The following BTNL3 variants were observed in gnomAD, a reference collection of about 807,000 sequenced individuals.
The protein encoded by BTNL3 is butyrophilin like 3.
BTNL3 carries 20 observed loss-of-function variants against 40.1 expected under a neutral mutation model. The ratio of observed to expected loss-of-function variants is 0.50; its 90% CI spans 0.35 to 0.72. The LOEUF (loss-of-function observed/expected upper bound fraction) is 0.72, where lower values mean the gene tolerates loss of function less well. Ranked by LOEUF, BTNL3 falls within the 30% of genes least tolerant of loss-of-function variation. The pLI, the probability that BTNL3 is intolerant of heterozygous loss-of-function variation, is 0.01. For synonymous variants in BTNL3, 179 were observed against 222.1 expected (o/e 0.81, Z 1.73); for missense variants, 449 against 582.2 (o/e 0.77, Z 2.35).
At position 180,993,286 on chromosome 5, in the gene BTNL3, G is replaced by C. The variant is rs746752962; in HGVS notation, c.397+126G>C. The C allele has an allele frequency of 3.1e-6, 4 of 1,276,514 alleles. 1 individual carries two copies. In the Admixed American group the frequency reaches 1.2e-4, roughly 38 times the overall value. The allele number at this position is 1,276,514 out of a possible 1,614,324, so 79.1% of individuals were successfully genotyped here. ...TTCTGACATGATGTAAAAAGGCTTC[G>C]GTGGGGATCACTGACCTGAGGTTTC... On this transcript the variant is annotated intron_variant, in intron 2 of 7. Coordinates refer to ENST00000342868, the MANE Select transcript of BTNL3 (RefSeq NM_197975.3).
Position 180,990,848 on chromosome 5 carries a change from C to T in BTNL3, c.49+1771C>T, listed in dbSNP as rs969165538. Reference sequence around the variant, plus strand: ...GGGTGCGCTAATGAGCAGGTTGCTGCGGTGGCAACTGGGACCCAGTCCCAC... The same window carrying T: ...GGGTGCGCTAATGAGCAGGTTGCTGTGGTGGCAACTGGGACCCAGTCCCAC... On this transcript the variant is annotated intron_variant, in intron 1 of 7. Coordinates refer to ENST00000342868, the MANE Select transcript of BTNL3 (RefSeq NM_197975.3). 8.0e-5 allele frequency among the ~76,000 whole-genome samples: 11 copies of T among 137,106 alleles called. 4 individuals carry two copies. The highest frequency in any genetic ancestry group is 1.5e-4 in the Admixed American group (2 of 13,084). 89.9% of individuals were successfully genotyped at this position (137,106 alleles called of 152,430 possible).
Position 181,005,411 on chromosome 5 carries a change from G to A in BTNL3, c.940G>A (p.Ala314Thr). ...SDLKTVTHRKAPQEVPHSEKR... is the reference protein window; with the variant it reads ...SDLKTVTHRKTPQEVPHSEKR... ...TCTGAAAACTGTAACCCATAGAAAAGCTCCCCAGGAGGTGCCTCACTCTGA... is the reference window on the plus strand; with the variant it reads ...TCTGAAAACTGTAACCCATAGAAAAACTCCCCAGGAGGTGCCTCACTCTGA... The change falls in exon 8 of 8, where the codon GCT becomes ACT. Residue 314 changes from alanine (A) to threonine (T), a missense_variant. By Grantham distance (58) the Ala-to-Thr change is moderately conservative. This residue lies in a region of BTNL3 where 323 missense variants were observed against 464.9 expected (regional missense o/e 0.69). Coordinates refer to ENST00000342868, the MANE Select transcript of BTNL3 (RefSeq NM_197975.3). 2 of 1,613,994 alleles carry A rather than the reference G, an allele frequency of 1.2e-6. No homozygotes were observed. Among genetic ancestry groups the A allele is most frequent in the Non-Finnish European group, 1.7e-6 (2 of 1,179,988 alleles).
Position 181,005,361 on chromosome 5 carries a change from C to T in BTNL3, c.890C>T (p.Ala297Val), listed in dbSNP as rs1582091288. Residue 297 changes from alanine (A) to valine (V), a missense_variant, in exon 8 of 8, where the codon GCT (alanine) becomes GTT (valine). Ala to Val is a moderately conservative substitution (Grantham distance 64). Transcript: ENST00000342868. ...AVEVTLDPET[A>V]HPKLCVSDLK... ...GAGGTGACTCTGGATCCAGAGACGG[C>T]TCACCCGAAGCTCTGCGTTTCTGAT... 6.2e-7 allele frequency: 1 copy of T among 1,612,308 alleles called. No homozygotes were observed. The highest frequency in any genetic ancestry group is 8.5e-7 in the Non-Finnish European group (1 of 1,179,534).
At chr5:181,001,500 T>TAGGG (rs566492732) in intron 3 of BTNL3, among the ~76,000 whole-genome samples, 1 of 116,328 alleles carries the variant, frequency 8.6e-6, no homozygotes, top group African/African-American at 3.0e-5. Flanking sequence ...TTTTTATAGA[T>TAGGG]GGGGGGGGGT....
In BTNL3 at chr5:181,005,560, CAG is replaced by C. The variant is rs1760210198; in HGVS notation, c.1090_1091del (p.Arg364GlyfsTer50). 3 of 1,613,954 alleles carry C rather than the reference CAG, an allele frequency of 1.9e-6. No homozygotes were observed. Among genetic ancestry groups the C allele is most frequent in the African/African-American group, 1.3e-5 (1 of 74,964 alleles). ...YVGVCRDDVD[R>X]GKNNVTLSPN... is the part of the protein sequence containing the mutation. ...TGGGAGTGTGTCGGGATGACGTAGA[CAG>C]GGGGAAGAACAATGTGACTTTGTCT... On this transcript the variant is annotated frameshift_variant, in exon 8 of 8. Transcript: ENST00000342868. LOFTEE classifies it low-confidence loss of function (END_TRUNC).
In BTNL3 at chr5:180,997,532, G is replaced by A. The variant is rs990544695; in HGVS notation, c.673+44G>A. On this transcript the variant is annotated intron_variant, in intron 3 of 7. Transcript: ENST00000342868. ...GAGCAAGGAATGGGTGTGTGCATACGTAACCCAGGGTAGAGCAGCAGCTTG... is the reference window on the plus strand; with the variant it reads ...GAGCAAGGAATGGGTGTGTGCATACATAACCCAGGGTAGAGCAGCAGCTTG... 16 of 1,458,416 alleles carry A rather than the reference G, an allele frequency of 1.1e-5. 2 individuals carry two copies. Among genetic ancestry groups the A allele is most frequent in the South Asian group, 3.4e-5 (3 of 88,546 alleles). 90.3% of individuals were successfully genotyped at this position (1,458,416 alleles called of 1,614,324 possible).
intron 1 of BTNL3, among the ~76,000 whole-genome samples, chr5:180,992,018 C>G (rs1430052966): frequency 7.3e-6 from 1 of 137,792 alleles, no homozygotes; most frequent in South Asian, 2.1e-4. Flanking sequence ...ATGCAGCCCA[C>G]AGGCTGTGGC....
Position 180,992,924 on chromosome 5 carries a change from G to A in BTNL3, c.161G>A (p.Arg54Gln), listed in dbSNP as rs377047279. 7.9e-5 allele frequency: 115 copies of A among 1,463,006 alleles called. 27 individuals are homozygous for A. The highest frequency in any genetic ancestry group is 3.5e-4 in the Middle Eastern group (2 of 5,728). 90.6% of individuals were successfully genotyped at this position (1,463,006 alleles called of 1,614,324 possible). A position where few individuals can be genotyped will look rare whatever the true frequency, so the allele number is the denominator to read the frequency against. The change falls in exon 2 of 8, where the codon CGG becomes CAG. Residue 54 changes from arginine to glutamine, a missense_variant. This residue lies in a region of BTNL3 where 323 missense variants were observed against 464.9 expected (regional missense o/e 0.69). Transcript: ENST00000342868. ...ACCAGTGCAGAGGCTATGGAAGTGC[G>A]GTTCTTCAGGAATCAGTTCCATGCT... ...PETSAEAMEVRFFRNQFHAVV... is the reference protein window; with the variant it reads ...PETSAEAMEVQFFRNQFHAVV...
chr5:181,003,906 A>G (rs1183810527), intron 5 of BTNL3, 30 bp downstream of exon 5: 12 of 1,613,910 alleles, frequency 7.4e-6, no homozygotes, highest in Middle Eastern at 1.7e-4. Flanking sequence ...CCTCCCACAC[A>G]TGGTTCTCCC....
At chr5:181,001,674 T>A (rs1271978465) in intron 3 of BTNL3, among the ~76,000 whole-genome samples, 1 of 132,482 alleles carries the variant, frequency 7.5e-6, no homozygotes, top group Non-Finnish European at 1.7e-5. Context: ...TGAAACCCCA[T>A]CTCTACTAAA....
rs1400923667 is a variant in BTNL3, at chr5:181,002,481, T to TATATATAC, written c.674-184_674-183insCATATATA. Reference sequence around the variant, plus strand: ...ACACACACACACGTGAATATATATATATATATATATATATATATATATATG... The same window carrying TATATATAC: ...ACACACACACACGTGAATATATATATATATATACATATATATATATATATATATATATG... On this transcript the variant is annotated intron_variant, in intron 3 of 7. Coordinates refer to ENST00000342868, the MANE Select transcript of BTNL3 (RefSeq NM_197975.3). 1.4e-4 allele frequency among the ~76,000 whole-genome samples: 6 copies of TATATATAC among 44,154 alleles called. 1 individual carries two copies. Among genetic ancestry groups the TATATATAC allele is most frequent in the African/African-American group, 8.3e-4 (5 of 6,012 alleles). 29.0% of individuals were successfully genotyped at this position (44,154 alleles called of 152,430 possible).
intron 1 of BTNL3, among the ~76,000 whole-genome samples, chr5:180,989,987 C>A (rs1759947267): frequency 7.4e-6 from 1 of 135,476 alleles, no homozygotes; most frequent in African/African-American, 2.5e-5. Context: ...TGGTGAAACC[C>A]CATCTCTACT....
chr5:180,990,610 G>A (rs1018267197), intron 1 of BTNL3, among the ~76,000 whole-genome samples: 3 of 137,644 alleles, frequency 2.2e-5, no homozygotes, highest in Non-Finnish European at 5.0e-5. Flanking sequence ...AAGGCTGGCC[G>A]GAGAAACAGA....
Position 180,990,789 on chromosome 5 carries a change from C to T in BTNL3, c.49+1712C>T, listed in dbSNP as rs532643341. On this transcript the variant is annotated intron_variant, in intron 1 of 7. Coordinates refer to ENST00000342868, the MANE Select transcript of BTNL3 (RefSeq NM_197975.3). ...TCTCAGAAACAAAAGTGACAGGGTG[C>T]AGAGAGTGAAGCCAGCGGGAGGTAA... Among the ~76,000 whole-genome samples, 4 of 136,730 alleles carry T rather than the reference C, an allele frequency of 2.9e-5. 2 individuals are homozygous for T. Among genetic ancestry groups the T allele is most frequent in the African/African-American group, 1.0e-4 (4 of 39,850 alleles). The allele number at this position is 136,730 out of a possible 152,430, so 89.7% of individuals were successfully genotyped here. A position where few individuals can be genotyped will look rare whatever the true frequency, so the allele number is the denominator to read the frequency against.
chr5:180,989,204 G>C (rs1759939836), intron 1 of BTNL3, 127 bp downstream of exon 1: 2 of 1,156,660 alleles, frequency 1.7e-6, no homozygotes, highest in Admixed American at 7.2e-5. Context: ...AGCTTCTCCT[G>C]GCCTCAGGCT....
chr5:181,005,604 G>T lies in BTNL3; in HGVS notation c.1133G>T (p.Trp378Leu). ...ACTTTGTCTCCCAACAATGGGTATT[G>T]GGTCCTCAGACTGACAACAGAACAT... ...NVTLSPNNGY[W>L]VLRLTTEHLY... Residue 378 changes from tryptophan to leucine, a missense_variant, in exon 8 of 8, where the codon TGG becomes TTG. Transcript: ENST00000342868. 1 of 1,613,976 alleles carries T rather than the reference G, an allele frequency of 6.2e-7. No individual in the cohort carries two copies. The highest frequency in any genetic ancestry group is 2.2e-5 in the East Asian group (1 of 44,852).
chr5:180,993,112 A>G lies in BTNL3; in HGVS notation c.349A>G (p.Ser117Gly). 6.9e-7 allele frequency: 1 copy of G among 1,449,974 alleles called. No homozygotes were observed. Among genetic ancestry groups the G allele is most frequent in the Non-Finnish European group, 9.5e-7 (1 of 1,051,558 alleles). The allele number at this position is 1,449,974 out of a possible 1,614,324, so 89.8% of individuals were successfully genotyped here. The change falls in exon 2 of 8, where the codon AGT becomes GGT. Residue 117 changes from serine (S) to glycine (G), a missense_variant. Ser to Gly is a moderately conservative substitution (Grantham distance 56, BLOSUM62 0). Transcript: ENST00000342868. Reference sequence around the variant, plus strand: ...CATCGGCCTGTATGGGTGCTGGTTCAGTTCCCAGATTTACGATGAGGAGGC... The same window carrying G: ...CATCGGCCTGTATGGGTGCTGGTTCGGTTCCCAGATTTACGATGAGGAGGC... ...SDIGLYGCWF[S>G]SQIYDEEATW...
At chr5:181,003,638 T>C (rs1387197200) in intron 4 of BTNL3, among the ~76,000 whole-genome samples, 1 of 146,722 alleles carries the variant, frequency 6.8e-6, no homozygotes, top group African/African-American at 2.4e-5. Context: ...GCATCCCAGC[T>C]GTTGTCCCTC....
chr5:181,002,754 G>A lies in BTNL3; in HGVS notation c.756G>A (p.Met252Ile), dbSNP rs200701453. 48 of 1,454,756 alleles carry A rather than the reference G, an allele frequency of 3.3e-5. 11 individuals are homozygous for A. The highest frequency in any genetic ancestry group is 4.0e-5 in the Non-Finnish European group (42 of 1,054,372). 90.1% of individuals were successfully genotyped at this position (1,454,756 alleles called of 1,614,324 possible). Residue 252 changes from methionine to isoleucine, a missense_variant, in exon 4 of 8, where the codon ATG becomes ATA. By Grantham distance (10) the Met-to-Ile change is conservative. Transcript: ENST00000342868. ...LLCGALCGVV[M>I]GMIIVFFKSK... is the part of the protein sequence containing the mutation. ...GTGGTGCCCTGTGTGGTGTTGTCAT[G>A]GGGATGATAATTGTTTTCTTCAAAT...
Sources: gnomAD v4.1 joint callset for allele counts (sites outside exome capture counted in the v4.1 genomes callset) on GRCh38, gnomAD v4.1.1 for gene constraint, gnomAD v4.1.1 regional missense constraint, MANE v1.5 for transcripts, NCBI Gene and HGNC (gene_info 2026-07-23, HGNC 2026-07-21) for gene names.